The following IL1RAPL1 variants were observed in gnomAD, a reference collection of about 807,000 sequenced individuals.
IL1RAPL1 encodes the protein interleukin 1 receptor accessory protein like 1.
In IL1RAPL1, 3 loss-of-function variants were observed where a neutral mutation model predicts 48.4. The ratio of observed to expected loss-of-function variants is 0.06; its 90% CI spans 0.03 to 0.16. The LOEUF (loss-of-function observed/expected upper bound fraction) is 0.16, where lower values mean the gene tolerates loss of function less well. Ranked by LOEUF, IL1RAPL1 falls within the 10% of genes least tolerant of loss-of-function variation. The pLI is 1.00. For synonymous variants in IL1RAPL1, 185 were observed against 187.7 expected (o/e 0.99, Z 0.12); for missense variants, 349 against 530.6 (o/e 0.66, Z 3.36).
chrX:28,932,045 A>AAAAAAAT (rs1923896534), intron 2 of IL1RAPL1, among the ~76,000 whole-genome samples: 1 of 109,884 alleles, frequency 9.1e-6, no homozygotes. Context: ...CCATCTCAAA[A>AAAAAAAT]AAAAAATAAA....
intron 5 of IL1RAPL1, among the ~76,000 whole-genome samples, chrX:29,486,477 G>A (rs1935096313): frequency 9.1e-6 from 1 of 109,971 alleles, no homozygotes; most frequent in African/African-American, 3.3e-5. Flanking sequence ...CTGCCCTTCA[G>A]CATGACACTA....
intron 8 of IL1RAPL1, among the ~76,000 whole-genome samples, chrX:29,938,059 A>G (rs1284337535): frequency 2.7e-5 from 3 of 111,641 alleles, no homozygotes; most frequent in Non-Finnish European, 5.6e-5. Context: ...TTTTCTTATT[A>G]TATTTTAAAC....
At chrX:29,375,030 C>T (rs1460552036) in intron 3 of IL1RAPL1, among the ~76,000 whole-genome samples, 1 of 108,765 alleles carries the variant, frequency 9.2e-6, no homozygotes, top group Non-Finnish European at 1.9e-5. Flanking sequence ...GTCCATTTGT[C>T]TTAGCTCATA....
At chrX:28,845,748 A>G (rs1921491703) in intron 2 of IL1RAPL1, among the ~76,000 whole-genome samples, 1 of 112,067 alleles carries the variant, frequency 8.9e-6, no homozygotes, top group African/African-American at 3.2e-5. Context: ...GAATTTTATG[A>G]AGTTAAAAAG....
intron 5 of IL1RAPL1, among the ~76,000 whole-genome samples, chrX:29,622,227 G>A (rs975295643): frequency 4.5e-5 from 5 of 112,226 alleles, no homozygotes; most frequent in African/African-American, 1.6e-4. Context: ...AGGCCTGAAT[G>A]TGTTATTGTA....
chrX:28,865,500 A>G (rs1284276888), intron 2 of IL1RAPL1, among the ~76,000 whole-genome samples: 3 of 111,146 alleles, frequency 2.7e-5, no homozygotes, highest in Non-Finnish European at 3.8e-5. Context: ...GGCTTTCTCT[A>G]TATTCAAATG....
At chrX:28,943,108 A>T (rs997122886) in intron 2 of IL1RAPL1, among the ~76,000 whole-genome samples, 1 of 109,396 alleles carries the variant, frequency 9.1e-6, no homozygotes, top group East Asian at 2.9e-4. Context: ...TTTATTTCTC[A>T]GCCAGCGGAA....
At chrX:28,910,711 G>A (rs1170676918) in intron 2 of IL1RAPL1, among the ~76,000 whole-genome samples, 1 of 108,595 alleles carries the variant, frequency 9.2e-6, no homozygotes, top group East Asian at 2.9e-4. Context: ...CTGCTTAAGT[G>A]TGCTTATGTG....
At chrX:29,594,081 G>A (rs1199864967) in intron 5 of IL1RAPL1, among the ~76,000 whole-genome samples, 1 of 112,587 alleles carries the variant, frequency 8.9e-6, no homozygotes, top group East Asian at 2.8e-4. Flanking sequence ...TGACGATTTG[G>A]AGATCCCTCT....
chrX:29,120,147 G>A (rs73210066), intron 2 of IL1RAPL1, among the ~76,000 whole-genome samples: 4,132 of 111,637 alleles, frequency 0.037, 74 homozygotes, highest in Middle Eastern at 0.07. Context: ...AGTTTAGTTC[G>A]GTCCTACTTG....
At chrX:29,623,276 C>T (rs1019004559) in intron 5 of IL1RAPL1, among the ~76,000 whole-genome samples, 3 of 102,045 alleles carry the variant, frequency 2.9e-5, no homozygotes, top group Non-Finnish European at 4.0e-5. Flanking sequence ...ACTGAGACTC[C>T]GTCTCAAAAA....
At chrX:29,577,515 C>G (rs1445437432) in intron 5 of IL1RAPL1, among the ~76,000 whole-genome samples, 1 of 111,599 alleles carries the variant, frequency 9.0e-6, no homozygotes, top group Non-Finnish European at 1.9e-5. Flanking sequence ...CCCTTTCGCT[C>G]AGTACCCCAA....
At chrX:29,037,478 T>A (rs1322437696) in intron 2 of IL1RAPL1, among the ~76,000 whole-genome samples, 4 of 111,514 alleles carry the variant, frequency 3.6e-5, no homozygotes, top group Non-Finnish European at 7.5e-5. Context: ...GGAATTATTT[T>A]AAAAAATTAT....
intron 1 of IL1RAPL1, among the ~76,000 whole-genome samples, chrX:28,642,774 C>T (rs993661902): frequency 3.6e-5 from 4 of 111,045 alleles, no homozygotes; most frequent in African/African-American, 9.8e-5. Flanking sequence ...CAAACAAATT[C>T]GAAAGCTAGC....
At chrX:29,945,813 G>T (rs765778787) in intron 9 of IL1RAPL1, among the ~76,000 whole-genome samples, 1 of 112,097 alleles carries the variant, frequency 8.9e-6, no homozygotes, top group African/African-American at 3.2e-5. Context: ...GATTGATATA[G>T]AAGGATTCTA....
At chrX:29,333,530 G>C (rs1231016767) in intron 3 of IL1RAPL1, among the ~76,000 whole-genome samples, 2 of 94,645 alleles carry the variant, frequency 2.1e-5, no homozygotes, top group African/African-American at 8.3e-5. Flanking sequence ...GCCAGGCGGG[G>C]GGCTGATCCC....
At chrX:29,498,386 A>G (rs1220039694) in intron 5 of IL1RAPL1, among the ~76,000 whole-genome samples, 1 of 110,616 alleles carries the variant, frequency 9.0e-6, no homozygotes, top group Admixed American at 9.6e-5. Context: ...CTTCATTTCT[A>G]TTTCATTTCT....
intron 1 of IL1RAPL1, among the ~76,000 whole-genome samples, chrX:28,614,221 A>G (rs1196821968): frequency 9.0e-6 from 1 of 111,664 alleles, no homozygotes; most frequent in Non-Finnish European, 1.9e-5. Flanking sequence ...TAGCTTAAAG[A>G]AATATGAAAT....
chrX:28,704,421 AACACACACACACAC>A (rs71703533), intron 1 of IL1RAPL1, among the ~76,000 whole-genome samples: 1 of 89,523 alleles, frequency 1.1e-5, no homozygotes, highest in East Asian at 3.7e-4. Context: ...AAAACACACA[AACACACACACACAC>A]ACACACACAC....
Sources: allele counts gnomAD v4.1 joint callset (sites outside exome capture counted in the v4.1 genomes callset), GRCh38; gene constraint gnomAD v4.1.1; transcripts MANE v1.5; gene names NCBI Gene and HGNC (gene_info 2026-07-23, HGNC 2026-07-21).